RBPMS: variants seen among roughly 807,000 people sequenced by gnomAD.
RBPMS encodes the protein RNA-binding protein with multiple splicing.
RBPMS carries 7 observed loss-of-function variants against 26.8 expected under a neutral mutation model. The observed-to-expected ratio is 0.26, with a 90% CI of 0.15 to 0.49. The LOEUF (loss-of-function observed/expected upper bound fraction) is 0.49, where lower values mean the gene tolerates loss of function less well. Ranked by LOEUF, RBPMS falls within the 20% of genes least tolerant of loss-of-function variation. The pLI, the probability that RBPMS is intolerant of heterozygous loss-of-function variation, is 0.98. For synonymous variants in RBPMS, 96 were observed against 93.3 expected (o/e 1.03, Z -0.17); for missense variants, 186 against 250.0 (o/e 0.74, Z 1.73).
At chr8:30,446,795 TTGTGTG>T (rs749402868) in intron 1 of RBPMS, 5,595 of 112,376 alleles carry the variant, frequency 0.05, 198 homozygotes, top group Admixed American at 0.067. Flanking sequence ...CACACATGGC[TTGTGTG>T]TGTGTGTGTG....
intron 4 of RBPMS, among the ~76,000 whole-genome samples, chr8:30,480,763 G>C (rs902783845): frequency 6.6e-6 from 1 of 152,194 alleles, no homozygotes; most frequent in African/African-American, 2.4e-5. Flanking sequence ...GTAAAAACCA[G>C]AATTTTCTCA....
intron 8 of RBPMS, among the ~76,000 whole-genome samples, chr8:30,569,921 G>C (rs1344445726): frequency 6.6e-6 from 1 of 152,206 alleles, no homozygotes; most frequent in Non-Finnish European, 1.5e-5. Flanking sequence ...GCCCGTCACA[G>C]AGAAGGTCCA....
chr8:30,480,988 T>C (rs1818210143), intron 4 of RBPMS, among the ~76,000 whole-genome samples: 1 of 152,272 alleles, frequency 6.6e-6, no homozygotes, highest in South Asian at 2.1e-4. Context: ...TTTACTATAC[T>C]TCTCCTATGT....
chr8:30,542,045 C>T (rs1025794936), intron 5 of RBPMS, among the ~76,000 whole-genome samples: 1 of 152,158 alleles, frequency 6.6e-6, no homozygotes, highest in Non-Finnish European at 1.5e-5. Context: ...ATTCCACATT[C>T]CTTCATGATG....
intron 5 of RBPMS, among the ~76,000 whole-genome samples, chr8:30,511,486 AATATATATATATATATATATAT>A (rs869100800): frequency 2.4e-3 from 56 of 23,550 alleles, no homozygotes; most frequent in Middle Eastern, 0.062. Context: ...AAAAAAAAAA[AATATATATATATATATATATAT>A]ATATATATAT....
intron 4 of RBPMS, among the ~76,000 whole-genome samples, chr8:30,491,614 A>G (rs1024926904): frequency 6.6e-6 from 1 of 151,928 alleles, no homozygotes; most frequent in Admixed American, 6.6e-5. Context: ...AAGTTTAGGC[A>G]ACTGTTTTTT....
At chr8:30,421,443 T>C (rs938651836) in intron 1 of RBPMS, among the ~76,000 whole-genome samples, 11 of 152,182 alleles carry the variant, frequency 7.2e-5, no homozygotes, top group African/African-American at 2.7e-4. Context: ...TTTCCATAAA[T>C]CCTCTATAGT....
intron 5 of RBPMS, among the ~76,000 whole-genome samples, chr8:30,525,562 A>G (rs1823491850): frequency 6.6e-6 from 1 of 152,238 alleles, no homozygotes; most frequent in Admixed American, 6.5e-5. Context: ...AAAACAAACC[A>G]TCAGATAAAA....
chr8:30,544,096 A>C (rs1395230350), intron 5 of RBPMS, among the ~76,000 whole-genome samples: 1 of 152,218 alleles, frequency 6.6e-6, no homozygotes, highest in Non-Finnish European at 1.5e-5. Flanking sequence ...GTTTTCCCAA[A>C]GGCTCTGCAG....
intron 4 of RBPMS, among the ~76,000 whole-genome samples, chr8:30,491,277 A>G (rs936881508): frequency 3.9e-5 from 6 of 152,222 alleles, no homozygotes; most frequent in African/African-American, 1.4e-4. Flanking sequence ...TAAATGTACT[A>G]CAGCTTTTTC....
intron 6 of RBPMS, among the ~76,000 whole-genome samples, chr8:30,554,248 T>G (rs1220658056): frequency 6.6e-6 from 1 of 152,182 alleles, no homozygotes; most frequent in African/African-American, 2.4e-5. Flanking sequence ...TGGTCTGTCT[T>G]CCAGCTCGAA....
intron 1 of RBPMS, among the ~76,000 whole-genome samples, chr8:30,429,890 T>G (rs1489633641): frequency 2.6e-5 from 4 of 152,242 alleles, no homozygotes; most frequent in Non-Finnish European, 5.9e-5. Context: ...AAAAATTAGA[T>G]GCCCAAGCCC....
At chr8:30,413,477 G>T (rs949867942) in intron 1 of RBPMS, among the ~76,000 whole-genome samples, 29 of 152,054 alleles carry the variant, frequency 1.9e-4, no homozygotes, top group Admixed American at 1.6e-3. Flanking sequence ...TTCAAATTTT[G>T]TAAGTAGAGA....
chr8:30,447,824 T>G (rs1180903133), intron 1 of RBPMS, among the ~76,000 whole-genome samples: 3 of 152,206 alleles, frequency 2.0e-5, no homozygotes, highest in African/African-American at 7.2e-5. Flanking sequence ...ATCTAACTCA[T>G]TTTAAAAATG....
intron 8 of RBPMS, among the ~76,000 whole-genome samples, chr8:30,566,782 T>A (rs1563460359): frequency 1.3e-5 from 2 of 152,356 alleles, no homozygotes; most frequent in East Asian, 3.9e-4. Context: ...CCCCATCTTA[T>A]TAATCCAGTT....
rs768716293 is a variant in RBPMS at position 30,421,356 on chromosome 8, A to C, written c.66+36198A>C. 6.6e-5 allele frequency among the ~76,000 whole-genome samples: 10 copies of C among 152,222 alleles called. No homozygotes were observed. In the East Asian group the frequency reaches 1.9e-3, roughly 29 times the overall value. ...GGATAATTTAACTTTAGTTCTGGAC[A>C]GGCAAATGTGCAGCAATCATTTAAA... On this transcript the variant is annotated intron_variant, in intron 1 of 8. Transcript: ENST00000397323.
In RBPMS at chr8:30,424,892, C is replaced by T. The variant is rs900286922; in HGVS notation, c.66+39734C>T. Reference sequence around the variant, plus strand: ...TGGATTTTATTTTCTTGGGTACACGCGCGCACACACACACAAATTAGCATT... The same window carrying T: ...TGGATTTTATTTTCTTGGGTACACGTGCGCACACACACACAAATTAGCATT... On this transcript the variant is annotated intron_variant, in intron 1 of 8. Coordinates refer to ENST00000397323, the MANE Select transcript of RBPMS (RefSeq NM_001008710.3). Among the ~76,000 whole-genome samples the T allele has an allele frequency of 1.1e-4, 17 of 152,026 alleles. No homozygotes were observed. In the South Asian group the frequency reaches 2.5e-3, roughly 22 times the overall value.
intron 1 of RBPMS, among the ~76,000 whole-genome samples, chr8:30,441,888 C>CA (rs1813116236): frequency 6.6e-6 from 1 of 152,210 alleles, no homozygotes; most frequent in East Asian, 1.9e-4. Context: ...CTCCTGGATT[C>CA]AAGCGATTCT....
intron 4 of RBPMS, among the ~76,000 whole-genome samples, chr8:30,485,735 A>G (rs893725308): frequency 6.6e-6 from 1 of 152,208 alleles, no homozygotes; most frequent in Non-Finnish European, 1.5e-5. Context: ...TGAAAGGCAT[A>G]CCACCAAAAG....
Sources: allele counts gnomAD v4.1 joint callset (sites outside exome capture counted in the v4.1 genomes callset), GRCh38; gene constraint gnomAD v4.1.1; transcripts MANE v1.5; gene names NCBI Gene and HGNC (gene_info 2026-07-23, HGNC 2026-07-21).